ANO4: variants seen among roughly 807,000 people sequenced by gnomAD.
The protein encoded by ANO4 is anoctamin 4.
A neutral mutation model predicts 141.9 loss-of-function variants in ANO4; 69 were observed. That is an observed-to-expected ratio of 0.49 (90% CI 0.40 to 0.59). The LOEUF is 0.59. Ranked by LOEUF, ANO4 falls within the 20% of genes least tolerant of loss-of-function variation. The pLI is 0.00. For synonymous variants in ANO4, 350 were observed against 394.3 expected, an observed-to-expected ratio of 0.89 and a Z score of 1.33; for missense variants, 894 against 1,162.2, an observed-to-expected ratio of 0.77 and a Z score of 3.36.
At chr12:100,814,749 T>C (rs1243803247) in intron 1 of ANO4, among the ~76,000 whole-genome samples, 4 of 152,020 alleles carry the variant, frequency 2.6e-5, no homozygotes, top group African/African-American at 7.2e-5. Context: ...GAGGTTGATG[T>C]TGGGGCCCTG....
chr12:100,965,994 T>G (rs1338161325), intron 5 of ANO4, among the ~76,000 whole-genome samples: 1 of 152,054 alleles, frequency 6.6e-6, no homozygotes, highest in Admixed American at 6.6e-5. Flanking sequence ...TTTTTGGGTG[T>G]TATTGAATGA....
chr12:100,729,101 T>G (rs1336495831), intron 1 of ANO4, among the ~76,000 whole-genome samples: 5 of 152,006 alleles, frequency 3.3e-5, no homozygotes, highest in African/African-American at 1.2e-4. Flanking sequence ...TCAGTTGTGT[T>G]TGTTGTTGAA....
chr12:100,794,519 C>T (rs759044693), upstream of ANO4: 1 of 152,300 alleles, frequency 6.6e-6, no homozygotes, highest in South Asian at 2.1e-4. Context: ...AACTGGCTGT[C>T]ATCTGCTGCT....
At chr12:100,913,838 C>A (rs2041220293) in intron 2 of ANO4, among the ~76,000 whole-genome samples, 1 of 152,144 alleles carries the variant, frequency 6.6e-6, no homozygotes, top group Non-Finnish European at 1.5e-5. Context: ...GGGGCAGAGT[C>A]CTAGCTTTTT....
At chr12:101,101,151 A>G (rs1034370655) in intron 22 of ANO4, among the ~76,000 whole-genome samples, 1 of 152,226 alleles carries the variant, frequency 6.6e-6, no homozygotes, top group Non-Finnish European at 1.5e-5. Context: ...AAGAAATAGA[A>G]TATTATCAAT....
At chr12:100,851,354 T>C (rs1459441403) in intron 1 of ANO4, among the ~76,000 whole-genome samples, 1 of 152,194 alleles carries the variant, frequency 6.6e-6, no homozygotes, top group Non-Finnish European at 1.5e-5. Flanking sequence ...TATCTATCCC[T>C]GCCTATCCTT....
intron 17 of ANO4, among the ~76,000 whole-genome samples, chr12:101,091,726 A>G (rs1392817400): frequency 2.0e-5 from 3 of 150,374 alleles, no homozygotes; most frequent in Non-Finnish European, 4.5e-5. Flanking sequence ...AACTAAATAT[A>G]AAAACCTTGA....
chr12:100,942,523 A>G lies in ANO4; in HGVS notation c.444A>G (p.Gln148=), dbSNP rs1331304644. 2 of 1,613,398 alleles carry G rather than the reference A, an allele frequency of 1.2e-6. No homozygotes were observed. The highest frequency in any genetic ancestry group is 1.1e-5 in the South Asian group (1 of 90,864). ...FERNIRAEGL[Q]MEKESSLINS... ...GAAACATTAGAGCAGAAGGATTGCA[A>G]ATGGAGAAAGAGGTAAATAGTTTGC... Residue 148 remains glutamine (Q), a synonymous_variant, in exon 5 of 28, where the codon CAA becomes CAG. Transcript: ENST00000392977.
chr12:100,848,413 C>T (rs371641712), intron 1 of ANO4, among the ~76,000 whole-genome samples: 15 of 152,250 alleles, frequency 9.9e-5, no homozygotes, highest in African/African-American at 3.1e-4. Context: ...TCAGAATCAC[C>T]AGGCAAACTT....
At chr12:100,937,539 T>C (rs554254898) in intron 3 of ANO4, among the ~76,000 whole-genome samples, 4 of 152,310 alleles carry the variant, frequency 2.6e-5, no homozygotes, top group African/African-American at 9.6e-5. Flanking sequence ...TGGCACAATG[T>C]AGGTGCTACA....
Position 100,989,985 on chromosome 12 carries a change from A to ATGGG in ANO4, c.734+2318_734+2319insGTGG, listed in dbSNP as rs755205927. On this transcript the variant is annotated intron_variant, in intron 8 of 27. Coordinates refer to ENST00000392977, the MANE Select transcript of ANO4 (RefSeq NM_001286615.2). ...CATGGATAGGTCACCAGATGGATGGATGGATGGATGGATGGATGGATGGAT... is the reference window on the plus strand; with the variant it reads ...CATGGATAGGTCACCAGATGGATGGATGGGTGGATGGATGGATGGATGGATGGAT... Among the ~76,000 whole-genome samples, 365 of 103,888 alleles carry ATGGG rather than the reference A, an allele frequency of 3.5e-3. 3 individuals are homozygous for ATGGG. The highest frequency in any genetic ancestry group is 4.8e-3 in the Admixed American group (46 of 9,634). The allele number at this position is 103,888 out of a possible 152,430, so 68.2% of individuals were successfully genotyped here. A position where few individuals can be genotyped will look rare whatever the true frequency, so the allele number is the denominator to read the frequency against.
chr12:101,012,510 C>G (rs996644251), intron 8 of ANO4, among the ~76,000 whole-genome samples: 6 of 151,998 alleles, frequency 3.9e-5, no homozygotes, highest in Non-Finnish European at 8.8e-5. Flanking sequence ...GATCAAAAGC[C>G]CTGGGCAGTA....
At chr12:100,850,924 A>T (rs1452532321) in intron 1 of ANO4, among the ~76,000 whole-genome samples, 2 of 152,130 alleles carry the variant, frequency 1.3e-5, no homozygotes, top group Non-Finnish European at 2.9e-5. Context: ...TTTTAATGAG[A>T]TATTAATATT....
intron 1 of ANO4, among the ~76,000 whole-genome samples, chr12:100,895,842 G>A (rs1390444680): frequency 6.6e-6 from 1 of 151,992 alleles, no homozygotes; most frequent in Non-Finnish European, 1.5e-5. Flanking sequence ...GATTATAGGT[G>A]TGAGCCACTG....
chr12:100,773,231 G>A (rs2033371109), intron 3 of ANO4, among the ~76,000 whole-genome samples: 1 of 152,136 alleles, frequency 6.6e-6, no homozygotes, highest in African/African-American at 2.4e-5. Flanking sequence ...AGGCACTAAT[G>A]CCAGTCATGA....
rs183514785 is a variant in ANO4 at position 100,773,451 on chromosome 12, T to G, written c.358+33346T>G. ...ATGAAATAATTAAAGAGGGTCAATT[T>G]TGCATTATCCTTTCCCCCACACCCC... On this transcript the variant is annotated intron_variant, in intron 3 of 29. Transcript: ENST00000644049. Among the ~76,000 whole-genome samples the G allele has an allele frequency of 1.3e-3, 199 of 152,314 alleles. 2 individuals carry two copies. The highest frequency in any genetic ancestry group is 4.7e-3 in the African/African-American group (195 of 41,572).
Position 100,958,397 on chromosome 12 carries a change from T to C in ANO4, c.457-12909T>C, listed in dbSNP as rs569968313. 2.6e-5 allele frequency among the ~76,000 whole-genome samples: 4 copies of C among 152,330 alleles called. No homozygotes were observed. In the South Asian group the frequency reaches 8.3e-4, roughly 32 times the overall value. The stretch of plus-strand genomic sequence containing the variant: ...TGATTCAATTTTAAAATTTCAATCA[T>C]TAAAAAATCATATAGTGCCTGGCAC... On this transcript the variant is annotated intron_variant, in intron 5 of 27. Transcript: ENST00000392977.
intron 1 of ANO4, among the ~76,000 whole-genome samples, chr12:100,825,355 A>T (rs1189711054): frequency 6.6e-6 from 1 of 151,932 alleles, no homozygotes; most frequent in African/African-American, 2.4e-5. Flanking sequence ...ACATGATTTC[A>T]TTTGGTCCTT....
chr12:101,103,527 A>G (rs555533123), intron 22 of ANO4, among the ~76,000 whole-genome samples: 1 of 151,714 alleles, frequency 6.6e-6, no homozygotes, highest in Admixed American at 6.6e-5. Context: ...AATGTGGTGG[A>G]TTTCATTGAT....
Sources: allele counts gnomAD v4.1 joint callset (sites outside exome capture counted in the v4.1 genomes callset), GRCh38; gene constraint gnomAD v4.1.1; transcripts MANE v1.5; gene names NCBI Gene and HGNC (gene_info 2026-07-23, HGNC 2026-07-21).